The following CDK6 variants were observed in gnomAD, a reference collection of about 807,000 sequenced individuals.
The protein encoded by CDK6 is cyclin dependent kinase 6.
In CDK6, 6 loss-of-function variants were observed where a neutral mutation model predicts 37.1. The ratio of observed to expected loss-of-function variants is 0.16; its 90% CI spans 0.09 to 0.32. CDK6 has a LOEUF of 0.32. CDK6 is among the 10% of genes least tolerant of loss of function. CDK6 has a pLI of 1.00. For synonymous variants in CDK6, 160 were observed against 161.3 expected, an observed-to-expected ratio of 0.99 and a Z score of 0.06; for missense variants, 224 against 418.9, an observed-to-expected ratio of 0.53 and a Z score of 4.06.
At chr7:92,707,108 T>C (rs143400554) in intron 4 of CDK6, among the ~76,000 whole-genome samples, 4 of 152,334 alleles carry the variant, frequency 2.6e-5, no homozygotes, top group African/African-American at 9.6e-5. Context: ...GTTTCATTGG[T>C]TTATATTCAT....
intron 3 of CDK6, among the ~76,000 whole-genome samples, chr7:92,735,308 C>A (rs923232286): frequency 6.6e-6 from 1 of 151,920 alleles, no homozygotes; most frequent in African/African-American, 2.4e-5. Context: ...GGTATATGTG[C>A]AGGTTTGTTA....
intron 2 of CDK6, among the ~76,000 whole-genome samples, chr7:92,800,027 C>T (rs1800529060): frequency 6.6e-6 from 1 of 152,196 alleles, no homozygotes; most frequent in Non-Finnish European, 1.5e-5. Context: ...CATAATTCAT[C>T]TTGTTGACCC....
chr7:92,801,170 A>T lies in CDK6; in HGVS notation c.234-26339T>A, dbSNP rs1246240870. ...AAATATAAACAAAAGAAAATAGATA[A>T]AAATTTCAAAATTAGCTAATAACGA... is the stretch of plus-strand genomic sequence containing the variant. On this transcript the variant is annotated intron_variant, in intron 2 of 7. Coordinates refer to ENST00000424848, the MANE Select transcript of CDK6 (RefSeq NM_001145306.2). Among the ~76,000 whole-genome samples the T allele has an allele frequency of 2.6e-5, 4 of 152,036 alleles. No individual in the cohort carries two copies. In the East Asian group the frequency reaches 7.7e-4, roughly 29 times the overall value.
intron 5 of CDK6, among the ~76,000 whole-genome samples, chr7:92,668,985 A>T (rs1474009781): frequency 6.6e-6 from 1 of 152,214 alleles, no homozygotes; most frequent in Non-Finnish European, 1.5e-5. Flanking sequence ...GTACTTTCTT[A>T]TGTGCACATT....
chr7:92,725,296 T>C (rs1798484962), intron 4 of CDK6: 3 of 985,320 alleles, frequency 3.0e-6, no homozygotes, highest in Non-Finnish European at 3.6e-6. Flanking sequence ...CCTTGAGCTG[T>C]GTGTTCCCTA....
At chr7:92,791,694 T>C (rs147547321) in intron 2 of CDK6, among the ~76,000 whole-genome samples, 116 of 152,230 alleles carry the variant, frequency 7.6e-4, no homozygotes, top group African/African-American at 2.4e-3. Context: ...GCATTCAACA[T>C]ACCTCGAGGG....
chr7:92,660,196 G>A (rs1796804448), intron 5 of CDK6, among the ~76,000 whole-genome samples: 1 of 152,190 alleles, frequency 6.6e-6, no homozygotes, highest in African/African-American at 2.4e-5. Context: ...TGCACCTATG[G>A]TGGACAACTT....
At chr7:92,671,687 G>T in intron 4 of CDK6, 152 bp from the exon 5 acceptor site, 1 of 413,624 alleles carries the variant, frequency 2.4e-6, no homozygotes. Context: ...AGGTAAATAG[G>T]ACTCATCACT....
At chr7:92,642,040 C>G (rs1035282300) in intron 5 of CDK6, among the ~76,000 whole-genome samples, 23 of 152,100 alleles carry the variant, frequency 1.5e-4, no homozygotes, top group African/African-American at 4.6e-4. Context: ...TTGGAGTTCC[C>G]CTGTGAGCTG....
intron 4 of CDK6, among the ~76,000 whole-genome samples, chr7:92,704,489 A>C (rs531433100): frequency 6.6e-6 from 1 of 152,140 alleles, no homozygotes; most frequent in South Asian, 2.1e-4. Flanking sequence ...CACTATCCTA[A>C]GTCTCATGTT....
chr7:92,686,146 G>A (rs1797446241), intron 4 of CDK6, among the ~76,000 whole-genome samples: 1 of 152,156 alleles, frequency 6.6e-6, no homozygotes, highest in Non-Finnish European at 1.5e-5. Flanking sequence ...GTAACTGAAA[G>A]TACTTTTTTC....
Position 92,609,087 on chromosome 7 carries a change from G to A in CDK6, c.*6053C>T, listed in dbSNP as rs1795503670. 1 of 233,040 alleles carries A rather than the reference G, an allele frequency of 4.3e-6. No individual in the cohort carries two copies. The highest frequency in any genetic ancestry group is 2.2e-5 in the African/African-American group (1 of 45,318). The allele number at this position is 233,040 out of a possible 1,614,324, so 14.4% of individuals were successfully genotyped here. ...CAGCCAGTTTCTGACTGCCCCTAGT[G>A]TATGTGGCATTTTGGTTCAGTATGA... On this transcript the variant is annotated 3_prime_UTR_variant, in exon 8 of 8. Transcript: ENST00000424848.
At chr7:92,818,251 T>C (rs1054230042) in intron 2 of CDK6, among the ~76,000 whole-genome samples, 1 of 152,042 alleles carries the variant, frequency 6.6e-6, no homozygotes, top group African/African-American at 2.4e-5. Flanking sequence ...GATAGATATA[T>C]AGATCAATGC....
chr7:92,761,282 T>C (rs1799450684), intron 3 of CDK6, among the ~76,000 whole-genome samples: 1 of 152,152 alleles, frequency 6.6e-6, no homozygotes, highest in Non-Finnish European at 1.5e-5. Context: ...AAAAAATTAA[T>C]AATAGCTCTC....
At chr7:92,619,004 G>C (rs1795743664) in intron 6 of CDK6, among the ~76,000 whole-genome samples, 1 of 152,100 alleles carries the variant, frequency 6.6e-6, no homozygotes, top group Admixed American at 6.6e-5. Flanking sequence ...ATGACCCTTA[G>C]TGTCTTTATG....
intron 2 of CDK6, among the ~76,000 whole-genome samples, chr7:92,778,926 T>TAC (rs751524642): frequency 7.2e-6 from 1 of 138,770 alleles, no homozygotes; most frequent in Non-Finnish European, 1.5e-5. Context: ...TAGTTTATCA[T>TAC]ATATATATAT....
intron 5 of CDK6, among the ~76,000 whole-genome samples, chr7:92,654,249 T>C (rs1238031047): frequency 6.6e-6 from 1 of 151,914 alleles, no homozygotes; most frequent in Non-Finnish European, 1.5e-5. Flanking sequence ...CTCAGTCTAC[T>C]GACTTTTAGA....
chr7:92,813,272 G>A (rs546132718), intron 2 of CDK6, among the ~76,000 whole-genome samples: 24 of 152,228 alleles, frequency 1.6e-4, no homozygotes, highest in African/African-American at 5.5e-4. Flanking sequence ...GAAGATGGAG[G>A]TGAAAATCAA....
intron 4 of CDK6, among the ~76,000 whole-genome samples, chr7:92,673,866 C>T (rs549081169): frequency 2.6e-4 from 39 of 152,088 alleles, no homozygotes; most frequent in African/African-American, 8.0e-4. Flanking sequence ...CAACCTCCGC[C>T]TCCCGGGTTC....
Sources: allele counts gnomAD v4.1 joint callset (sites outside exome capture counted in the v4.1 genomes callset), GRCh38; gene constraint gnomAD v4.1.1; transcripts MANE v1.5; gene names NCBI Gene and HGNC (gene_info 2026-07-23, HGNC 2026-07-21).